The following FAF1 variants were observed in gnomAD, a reference collection of about 807,000 sequenced individuals.
FAF1 encodes FAS-associated factor 1.
In FAF1, 25 loss-of-function variants were observed where a neutral mutation model predicts 92.5. The ratio of observed to expected loss-of-function variants is 0.27; its 90% CI spans 0.20 to 0.38. FAF1 has a LOEUF of 0.38. Among genes scored for constraint, FAF1 ranks in the 10% least tolerant of loss-of-function variants. The pLI is 1.00. For missense variants in FAF1, 636 were observed against 793.3 expected (o/e 0.80, Z 2.38); for synonymous variants, 234 against 273.2 (o/e 0.86, Z 1.42).
At chr1:50,753,038 T>C (rs1344973958) in intron 4 of FAF1, among the ~76,000 whole-genome samples, 2 of 152,180 alleles carry the variant, frequency 1.3e-5, no homozygotes, top group Non-Finnish European at 2.9e-5. Flanking sequence ...TAACGTAAAA[T>C]AAACTGCACA....
At chr1:50,610,594 G>A (rs1452405864) in intron 8 of FAF1, among the ~76,000 whole-genome samples, 1 of 152,178 alleles carries the variant, frequency 6.6e-6, no homozygotes, top group Non-Finnish European at 1.5e-5. Flanking sequence ...TGGATGCAAT[G>A]TGCTCAGGTT....
chr1:50,797,392 CT>C lies in FAF1; in HGVS notation c.161+4238del, dbSNP rs545969212. ...TATAGATTTACTAATCTATAAATAC[CT>C]TTTTTAAAAAAAGATATTGATTGAA... On this transcript the variant is annotated intron_variant, in intron 3 of 18. Coordinates refer to ENST00000396153, the MANE Select transcript of FAF1 (RefSeq NM_007051.3). Among the ~76,000 whole-genome samples the C allele has an allele frequency of 4.4e-3, 673 of 152,108 alleles. 4 individuals are homozygous for C. Among genetic ancestry groups the C allele is most frequent in the African/African-American group, 0.013 (550 of 41,474 alleles).
intron 6 of FAF1, among the ~76,000 whole-genome samples, chr1:50,712,464 T>C (rs1179419785): frequency 1.3e-5 from 2 of 152,076 alleles, no homozygotes; most frequent in Non-Finnish European, 2.9e-5. Context: ...GAGACCAGCC[T>C]GGCCAACATG....
chr1:50,522,289 A>C (rs1647541311), intron 15 of FAF1, among the ~76,000 whole-genome samples: 1 of 152,208 alleles, frequency 6.6e-6, no homozygotes, highest in Admixed American at 6.5e-5. Flanking sequence ...ATGAGGTATC[A>C]AAAGCCTGTA....
At chr1:50,877,675 T>G (rs2124685953) in intron 1 of FAF1, among the ~76,000 whole-genome samples, 1 of 152,272 alleles carries the variant, frequency 6.6e-6, no homozygotes, top group South Asian at 2.1e-4. Flanking sequence ...TATACCAACA[T>G]GTAACAGTTC....
intron 2 of FAF1, among the ~76,000 whole-genome samples, chr1:50,836,170 G>GTTTTTTGTTTTTTTTTTTT (rs1553144966): frequency 2.0e-5 from 2 of 98,526 alleles, no homozygotes; most frequent in Non-Finnish European, 4.0e-5. Context: ...TTTTGTTTCT[G>GTTTTTTGTTTTTTTTTTTT]TTTTTTTTTT....
At chr1:50,576,556 TAGA>T (rs764652756) in intron 12 of FAF1, among the ~76,000 whole-genome samples, 12 of 151,736 alleles carry the variant, frequency 7.9e-5, no homozygotes, top group Non-Finnish European at 1.2e-4. Context: ...TTTGGTGGTG[TAGA>T]AGAAGAGAAT....
rs555887028 is a variant in FAF1, at chr1:50,506,364, T to C, written c.1495-14563A>G. 2.0e-5 allele frequency among the ~76,000 whole-genome samples: 3 copies of C among 152,254 alleles called. No individual in the cohort carries two copies. The South Asian group carries it at 6.2e-4, about 32-fold the overall frequency. On this transcript the variant is annotated intron_variant, in intron 15 of 18. Transcript: ENST00000396153. ...CTACGCTTGACCCAAACAAGCCCTC[T>C]CACAATTCTCACAGACTAGACTTTT...
chr1:50,540,788 A>G (rs1212133235), intron 13 of FAF1, among the ~76,000 whole-genome samples: 1 of 152,218 alleles, frequency 6.6e-6, no homozygotes, highest in African/African-American at 2.4e-5. Flanking sequence ...CTTTAATAAG[A>G]TCCAATTTAA....
intron 1 of FAF1, among the ~76,000 whole-genome samples, chr1:50,878,500 C>T (rs1336025639): frequency 6.6e-6 from 1 of 152,102 alleles, no homozygotes; most frequent in Non-Finnish European, 1.5e-5. Flanking sequence ...TAAAAGTTAT[C>T]AAAATACAGC....
chr1:50,937,764 C>T lies in FAF1; in HGVS notation c.45+22003G>A, dbSNP rs540669357. ...ATTTACAAGGATTTTAAGAAAAATGCCCCTATCTTAATTTTTGTATCTCTT... is the reference window on the plus strand; with the variant it reads ...ATTTACAAGGATTTTAAGAAAAATGTCCCTATCTTAATTTTTGTATCTCTT... On this transcript the variant is annotated intron_variant, in intron 1 of 18. Coordinates refer to ENST00000396153, the MANE Select transcript of FAF1 (RefSeq NM_007051.3). Among the ~76,000 whole-genome samples, 8 of 152,278 alleles carry T rather than the reference C, an allele frequency of 5.3e-5. No individual in the cohort carries two copies. In the East Asian group the frequency reaches 9.6e-4, roughly 18 times the overall value.
intron 1 of FAF1, among the ~76,000 whole-genome samples, chr1:50,895,935 T>C (rs776950337): frequency 2.0e-5 from 3 of 152,182 alleles, no homozygotes; most frequent in Non-Finnish European, 4.4e-5. Flanking sequence ...AACCCACAGC[T>C]AGCATCATAC....
At chr1:50,619,104 CCTTTA>C (rs1401848627) in intron 8 of FAF1, among the ~76,000 whole-genome samples, 1 of 152,252 alleles carries the variant, frequency 6.6e-6, no homozygotes. Context: ...TTTCTCCATC[CCTTTA>C]CTTTGAGACT....
chr1:50,771,811 G>T (rs1392414072), intron 4 of FAF1, among the ~76,000 whole-genome samples: 1 of 152,218 alleles, frequency 6.6e-6, no homozygotes, highest in Non-Finnish European at 1.5e-5. Flanking sequence ...TGAGGCAGGG[G>T]AATTGCTTGA....
At chr1:50,724,237 CAAAAA>C (rs79635813) in intron 6 of FAF1, among the ~76,000 whole-genome samples, 1 of 88,850 alleles carries the variant, frequency 1.1e-5, no homozygotes, top group African/African-American at 4.2e-5. Flanking sequence ...GACTGTCTTT[CAAAAA>C]AAAAAAAAAA....
chr1:50,616,834 C>T (rs1160836848), intron 8 of FAF1, among the ~76,000 whole-genome samples: 1 of 152,084 alleles, frequency 6.6e-6, no homozygotes, highest in African/African-American at 2.4e-5. Context: ...GCATGCGCCA[C>T]CATGCCCAGC....
rs1651083807 is a variant in FAF1 at position 50,583,538 on chromosome 1, T to C, written c.1031+114A>G. The C allele has an allele frequency of 1.8e-6, 1 of 567,138 alleles. No individual in the cohort carries two copies. Among genetic ancestry groups the C allele is most frequent in the Admixed American group, 3.3e-5 (1 of 30,726 alleles). 35.1% of individuals were successfully genotyped at this position (567,138 alleles called of 1,614,324 possible). A position where few individuals can be genotyped will look rare whatever the true frequency, so the allele number is the denominator to read the frequency against. ...AGGACTATATAAATTAACAAGTATATCCTTTGAATACTTTAAGGAGAAACT... is the reference window on the plus strand; with the variant it reads ...AGGACTATATAAATTAACAAGTATACCCTTTGAATACTTTAAGGAGAAACT... On this transcript the variant is annotated intron_variant, in intron 11 of 18. Transcript: ENST00000396153. This position sits in a 1 kb window ranked among gnomAD's most constrained non-coding sequence, Gnocchi z 4.2.
chr1:50,905,987 T>C (rs1420699262), intron 1 of FAF1, among the ~76,000 whole-genome samples: 3 of 152,242 alleles, frequency 2.0e-5, no homozygotes, highest in Admixed American at 6.5e-5. Flanking sequence ...GCCTACGTTT[T>C]CTTCTAGGGT....
At chr1:50,767,549 A>C (rs1339694467) in intron 4 of FAF1, among the ~76,000 whole-genome samples, 1 of 152,184 alleles carries the variant, frequency 6.6e-6, no homozygotes, top group East Asian at 1.9e-4. Context: ...GACAAAATAA[A>C]AGACAGCTGG....
Sources: gnomAD v4.1 joint callset for allele counts (sites outside exome capture counted in the v4.1 genomes callset) on GRCh38, gnomAD v4.1.1 for gene constraint, Gnocchi (gnomAD v3.1) non-coding constraint, MANE v1.5 for transcripts, NCBI Gene and HGNC (gene_info 2026-07-23, HGNC 2026-07-21) for gene names.